The following FBLN2 variants were observed in gnomAD, a reference collection of about 807,000 sequenced individuals.
FBLN2 encodes the protein fibulin-2.
A neutral mutation model predicts 123.7 loss-of-function variants in FBLN2; 81 were observed. The observed-to-expected ratio is 0.65, with a 90% CI of 0.55 to 0.79. The LOEUF is 0.79. Among genes scored for constraint, FBLN2 ranks in the 30% least tolerant of loss-of-function variants. The probability of loss-of-function intolerance (pLI) is 0.00; values close to 1 mark genes in which losing one functional copy is unlikely to be tolerated. For synonymous variants in FBLN2, 699 were observed against 701.4 expected (o/e 1.00, Z 0.05); for missense variants, 1,603 against 1,681.3 (o/e 0.95, Z 0.81).
At chr3:13,577,919 T>C (rs573187942) in intron 2 of FBLN2, among the ~76,000 whole-genome samples, 1 of 152,328 alleles carries the variant, frequency 6.6e-6, no homozygotes, top group South Asian at 2.1e-4. Context: ...TCCCATTTCA[T>C]GGAAGAGAAA....
At position 13,609,513 on chromosome 3, in the gene FBLN2, G is replaced by T; in HGVS notation, c.1419G>T (p.Arg473Ser). The T allele has an allele frequency of 6.5e-7, 1 of 1,544,516 alleles. No individual in the cohort carries two copies. Among genetic ancestry groups the T allele is most frequent in the Non-Finnish European group, 8.7e-7 (1 of 1,144,424 alleles). Residue 473 changes from arginine (R) to serine (S), a missense_variant and splice_region_variant, in exon 4 of 18, where the codon AGG becomes AGT. Arg to Ser is a moderately radical substitution (Grantham distance 110). Coordinates refer to ENST00000404922, the MANE Select transcript of FBLN2 (RefSeq NM_001004019.2). ...PESGTEDNVC[R>S]TAQRHCCVSY... ...GGCTAAGTTACCCCCTCTGTTTCAG[G>T]ACAGCCCAGAGGCACTGCTGTGTCT...
At chr3:13,604,494 G>A (rs1300434911) in intron 2 of FBLN2, among the ~76,000 whole-genome samples, 4 of 152,130 alleles carry the variant, frequency 2.6e-5, no homozygotes, top group African/African-American at 4.8e-5. Flanking sequence ...ATAGGGAATC[G>A]TTTTCCCATT....
chr3:13,549,636 C>T (rs918687445), intron 1 of FBLN2, among the ~76,000 whole-genome samples: 10 of 151,060 alleles, frequency 6.6e-5, no homozygotes, highest in African/African-American at 2.4e-4. Flanking sequence ...TCAACCCCCT[C>T]GGGGAAAGAA....
intron 1 of FBLN2, among the ~76,000 whole-genome samples, chr3:13,554,367 A>AC (rs1703407775): frequency 6.6e-6 from 1 of 151,998 alleles, no homozygotes. Flanking sequence ...TTAGCCTGGG[A>AC]CCCCCATCCT....
chr3:13,553,786 G>T (rs1285500496), intron 1 of FBLN2, among the ~76,000 whole-genome samples: 2 of 152,230 alleles, frequency 1.3e-5, no homozygotes, highest in Non-Finnish European at 2.9e-5. Flanking sequence ...TGAGGAAGTG[G>T]TGCCACCCAC....
rs752843471 is a variant in FBLN2 at position 13,571,379 on chromosome 3, C to T, written c.1024C>T (p.Leu342=). The T allele has an allele frequency of 1.1e-5, 18 of 1,612,782 alleles. No homozygotes were observed. Among genetic ancestry groups the T allele is most frequent in the Non-Finnish European group, 1.4e-5 (17 of 1,179,600 alleles). Residue 342 remains leucine, a synonymous_variant, in exon 2 of 18, where the codon CTG becomes TTG. Transcript: ENST00000404922. The part of the protein sequence containing the change: ...AGARPEENLI[L]DAQATSRSTG... Reference sequence around the variant, plus strand: ...GGCAAGGCCTGAAGAGAACCTCATCCTGGATGCCCAAGCCACGTCCCGCAG... The same window carrying T: ...GGCAAGGCCTGAAGAGAACCTCATCTTGGATGCCCAAGCCACGTCCCGCAG...
chr3:13,604,747 C>T (rs6765409), intron 2 of FBLN2, among the ~76,000 whole-genome samples: 46,798 of 152,120 alleles, frequency 0.31, 7,389 homozygotes, highest in Admixed American at 0.35. Flanking sequence ...AGTTCTCATT[C>T]CTCTCAGTGC....
chr3:13,629,884 C>T lies in FBLN2; in HGVS notation c.2907C>T (p.Gly969=), dbSNP rs1185969969. ...LCQHTCENTL[G]SYRCSCASGF... ...AGCACACGTGTGAGAACACACTCGG[C>T]TCCTACCGCTGTTCCTGCGCCTCCG... The change falls in exon 14 of 18, where the codon GGC becomes GGT. Residue 969 remains glycine, a synonymous_variant. Transcript: ENST00000404922. 6.2e-7 allele frequency: 1 copy of T among 1,602,080 alleles called. No homozygotes were observed. Among genetic ancestry groups the T allele is most frequent in the African/African-American group, 1.3e-5 (1 of 74,666 alleles).
intron 4 of FBLN2, among the ~76,000 whole-genome samples, chr3:13,612,294 C>CCTTTCTTT (rs67522122): frequency 0.048 from 5,624 of 117,240 alleles, 183 homozygotes; most frequent in Middle Eastern, 0.072. Flanking sequence ...CTTTTATTTT[C>CCTTTCTTT]CTTTCTTTCT....
At chr3:13,600,220 A>G (rs1704984965) in intron 2 of FBLN2, among the ~76,000 whole-genome samples, 1 of 152,084 alleles carries the variant, frequency 6.6e-6, no homozygotes, top group Non-Finnish European at 1.5e-5. Flanking sequence ...GTACTCACTC[A>G]TCGTGCTGGG....
Position 13,622,958 on chromosome 3 carries a change from G to C in FBLN2, c.2296+1043G>C, listed in dbSNP as rs80113958. On this transcript the variant is annotated intron_variant, in intron 9 of 17. Transcript: ENST00000404922. ...AAGGAACAGCTCAAATAAAGGTATA[G>C]AAGTAGGATCAGAACCTAGTGCGTT... Among the ~76,000 whole-genome samples the C allele has an allele frequency of 9.1e-3, 1,383 of 152,370 alleles. 54 individuals are homozygous for C. The East Asian group carries it at 0.11, about 12-fold the overall frequency.
intron 16 of FBLN2, among the ~76,000 whole-genome samples, chr3:13,633,854 T>C (rs1003561811): frequency 7.9e-5 from 12 of 152,232 alleles, no homozygotes; most frequent in East Asian, 3.9e-4. Context: ...TAGGTGCTCA[T>C]TGGACAGTTG....
At chr3:13,605,778 C>T (rs944168571) in intron 2 of FBLN2, among the ~76,000 whole-genome samples, 1 of 152,192 alleles carries the variant, frequency 6.6e-6, no homozygotes, top group Admixed American at 6.5e-5. Flanking sequence ...GGTGCCACAT[C>T]TCTCCAGCTG....
intron 5 of FBLN2, among the ~76,000 whole-genome samples, chr3:13,615,938 G>A (rs1407735886): frequency 1.3e-5 from 2 of 152,228 alleles, no homozygotes; most frequent in Admixed American, 6.5e-5. Flanking sequence ...GTGCATAGGG[G>A]TTAAGATGCC....
chr3:13,573,402 G>A (rs917285223), intron 2 of FBLN2, among the ~76,000 whole-genome samples: 2 of 152,072 alleles, frequency 1.3e-5, no homozygotes, highest in African/African-American at 4.8e-5. Context: ...ACCCCCAGGA[G>A]GAGTCAGATC....
chr3:13,596,648 A>G (rs1225039459), intron 2 of FBLN2, among the ~76,000 whole-genome samples: 1 of 152,182 alleles, frequency 6.6e-6, no homozygotes, highest in Non-Finnish European at 1.5e-5. Flanking sequence ...TGTCACCACC[A>G]TCCACCTCCA....
intron 2 of FBLN2, among the ~76,000 whole-genome samples, chr3:13,584,841 A>T (rs560189193): frequency 1.3e-5 from 2 of 152,344 alleles, no homozygotes; most frequent in South Asian, 2.1e-4. Context: ...TGCTCCTCAC[A>T]TGCTCACACG....
chr3:13,604,051 G>C (rs951446928), intron 2 of FBLN2, among the ~76,000 whole-genome samples: 5 of 152,152 alleles, frequency 3.3e-5, no homozygotes, highest in African/African-American at 1.2e-4. Context: ...AGAAGTGTCT[G>C]TTCATATCCT....
chr3:13,613,163 C>G (rs1224841220), intron 4 of FBLN2, among the ~76,000 whole-genome samples: 2 of 152,158 alleles, frequency 1.3e-5, no homozygotes, highest in African/African-American at 2.4e-5. Flanking sequence ...CATTCAAGGT[C>G]TTTTGAGGCC....
Sources: allele counts gnomAD v4.1 joint callset (sites outside exome capture counted in the v4.1 genomes callset), GRCh38; gene constraint gnomAD v4.1.1; transcripts MANE v1.5; gene names NCBI Gene and HGNC (gene_info 2026-07-23, HGNC 2026-07-21).